LPGAT1: variants seen among roughly 807,000 people sequenced by gnomAD.
The protein encoded by LPGAT1 is acyl-CoA:lysophosphatidylglycerol acyltransferase 1.
LPGAT1 carries 11 observed loss-of-function variants against 47.5 expected under a neutral mutation model. The ratio of observed to expected loss-of-function variants is 0.23; its 90% CI spans 0.15 to 0.38. LPGAT1 has a LOEUF of 0.38. Among genes scored for constraint, LPGAT1 ranks in the 10% least tolerant of loss-of-function variants. The pLI, the probability that LPGAT1 is intolerant of heterozygous loss-of-function variation, is 1.00. For synonymous variants in LPGAT1, 138 were observed against 144.2 expected (o/e 0.96, Z 0.31); for missense variants, 293 against 439.0 (o/e 0.67, Z 2.97).
chr1:211,800,469 G>C (rs1659530505), intron 2 of LPGAT1, among the ~76,000 whole-genome samples: 1 of 152,108 alleles, frequency 6.6e-6, no homozygotes, highest in African/African-American at 2.4e-5. Flanking sequence ...ATTAAAATCA[G>C]AAACACCACT....
intron 2 of LPGAT1, among the ~76,000 whole-genome samples, chr1:211,798,061 T>C (rs74359710): frequency 4.0e-5 from 6 of 151,742 alleles, no homozygotes; most frequent in South Asian, 2.1e-4. Context: ...AAAAAGAAAA[T>C]AGAAACAACC....
At position 211,749,739 on chromosome 1, in the gene LPGAT1, T is replaced by C; in HGVS notation, c.*160A>G. The C allele has an allele frequency of 4.2e-6, 3 of 720,684 alleles. No individual in the cohort carries two copies. The South Asian group carries it at 5.4e-5, about 13-fold the overall frequency. 44.6% of individuals were successfully genotyped at this position (720,684 alleles called of 1,614,324 possible). On this transcript the variant is annotated 3_prime_UTR_variant, in exon 8 of 8. Coordinates refer to ENST00000366997, the MANE Select transcript of LPGAT1 (RefSeq NM_014873.3). ...ATTATATTACTAATCCTCATTTTAG[T>C]AGATTTTAAAATATCCCAAAGGGGG...
At chr1:211,757,110 A>G (rs1043914660) in intron 6 of LPGAT1, among the ~76,000 whole-genome samples, 2 of 152,020 alleles carry the variant, frequency 1.3e-5, no homozygotes, top group Non-Finnish European at 2.9e-5. Flanking sequence ...TACAAAAATT[A>G]GCCAGATGTG....
At chr1:211,808,278 T>C (rs1051254318) in intron 2 of LPGAT1, among the ~76,000 whole-genome samples, 3 of 149,922 alleles carry the variant, frequency 2.0e-5, no homozygotes, top group Non-Finnish European at 4.5e-5. Flanking sequence ...CCGGGCAGGG[T>C]TGTGGAAATT....
At chr1:211,779,666 C>T (rs1429439827) in intron 5 of LPGAT1, among the ~76,000 whole-genome samples, 3 of 151,920 alleles carry the variant, frequency 2.0e-5, no homozygotes, top group Non-Finnish European at 4.4e-5. Context: ...GCCTGGCCAG[C>T]GTGGTGAAAC....
Position 211,829,424 on chromosome 1 carries a change from G to A in LPGAT1, c.-27-101C>T, listed in dbSNP as rs189767866. On this transcript the variant is annotated intron_variant, in intron 1 of 7. Coordinates refer to ENST00000366997, the MANE Select transcript of LPGAT1 (RefSeq NM_014873.3). ...CCCCCAGCACAAAATAAAACAGCGA[G>A]GGTCGAAGCTTTCCGGGTGTAGTAC... 305 of 1,505,410 alleles carry A rather than the reference G, an allele frequency of 2.0e-4. 2 individuals are homozygous for A. In the East Asian group the frequency reaches 6.8e-3, roughly 33 times the overall value. The allele number at this position is 1,505,410 out of a possible 1,614,324, so 93.3% of individuals were successfully genotyped here.
At chr1:211,825,550 A>G (rs1308418085) in intron 2 of LPGAT1, among the ~76,000 whole-genome samples, 1 of 152,188 alleles carries the variant, frequency 6.6e-6, no homozygotes, top group Non-Finnish European at 1.5e-5. Context: ...AGCATGCAGA[A>G]GTGGATCATT....
chr1:211,775,142 G>A (rs1157876052), intron 6 of LPGAT1, among the ~76,000 whole-genome samples: 1 of 152,108 alleles, frequency 6.6e-6, no homozygotes, highest in Non-Finnish European at 1.5e-5. Context: ...AGAAGTGAAA[G>A]TAAATGTATT....
chr1:211,764,397 T>C (rs1558257873), intron 6 of LPGAT1, among the ~76,000 whole-genome samples: 1 of 152,212 alleles, frequency 6.6e-6, no homozygotes, highest in African/African-American at 2.4e-5. Flanking sequence ...AGCACAAAAC[T>C]TTATGTGGTG....
intron 6 of LPGAT1, among the ~76,000 whole-genome samples, chr1:211,768,266 T>C (rs1256561069): frequency 6.6e-6 from 1 of 152,260 alleles, no homozygotes; most frequent in Non-Finnish European, 1.5e-5. Flanking sequence ...TGAAAATGCT[T>C]TTGTTGCAAT....
At position 211,830,320 on chromosome 1, in the gene LPGAT1, C is replaced by A; in HGVS notation, c.-28+253G>T. ...GCGGGCGCGCTGGCGCCCTACTCCC[C>A]TCGCGGCTGCCTGCGGACAGAGGGA... On this transcript the variant is annotated intron_variant, in intron 1 of 7. Coordinates refer to ENST00000366997, the MANE Select transcript of LPGAT1 (RefSeq NM_014873.3). This position sits in a 1 kb window ranked among gnomAD's most constrained non-coding sequence, Gnocchi z 5.9. The A allele has an allele frequency of 9.0e-7, 1 of 1,110,038 alleles. No homozygotes were observed. Among genetic ancestry groups the A allele is most frequent in the Non-Finnish European group, 1.1e-6 (1 of 910,068 alleles). 68.8% of individuals were successfully genotyped at this position (1,110,038 alleles called of 1,614,324 possible). A position where few individuals can be genotyped will look rare whatever the true frequency, so the allele number is the denominator to read the frequency against.
At chr1:211,772,250 T>C (rs1277615302) in intron 6 of LPGAT1, among the ~76,000 whole-genome samples, 1 of 152,248 alleles carries the variant, frequency 6.6e-6, no homozygotes, top group East Asian at 1.9e-4. Flanking sequence ...AGTTCACAAA[T>C]AAATCTAGAC....
intron 2 of LPGAT1, among the ~76,000 whole-genome samples, chr1:211,818,317 C>A (rs553473975): frequency 2.6e-5 from 4 of 152,140 alleles, no homozygotes; most frequent in Non-Finnish European, 5.9e-5. Context: ...CAAAATAAGA[C>A]AAGAAGCAGG....
Position 211,747,422 on chromosome 1 carries a change from C to T in LPGAT1, c.*2477G>A, listed in dbSNP as rs549615220. The T allele has an allele frequency of 1.6e-3, 239 of 152,254 alleles. No homozygotes were observed. The highest frequency in any genetic ancestry group is 5.3e-3 in the African/African-American group (219 of 41,546). 9.4% of individuals were successfully genotyped at this position (152,254 alleles called of 1,614,324 possible). On this transcript the variant is annotated 3_prime_UTR_variant, in exon 8 of 8. Transcript: ENST00000366997. ...CACCCTGGAGACTGTGAAAATGACA[C>T]CGTACTTGAAAAGTAAAGCATCTTA...
chr1:211,783,523 T>C, intron 4 of LPGAT1, 21 bp from the exon 5 acceptor site: 1 of 1,602,454 alleles, frequency 6.2e-7, no homozygotes, highest in Non-Finnish European at 8.5e-7. Context: ...CACACACACG[T>C]AATAAGTACA....
intron 5 of LPGAT1, among the ~76,000 whole-genome samples, chr1:211,780,383 A>C (rs1388163695): frequency 6.6e-6 from 1 of 152,200 alleles, no homozygotes; most frequent in East Asian, 1.9e-4. Context: ...CATGGGGTAC[A>C]AAGGTGAGCG....
chr1:211,818,810 T>C (rs549080399), intron 2 of LPGAT1, among the ~76,000 whole-genome samples: 1 of 152,226 alleles, frequency 6.6e-6, no homozygotes. Flanking sequence ...TTGATGACAT[T>C]TTCTTACTGC....
chr1:211,781,391 T>C (rs1292150785), intron 5 of LPGAT1, among the ~76,000 whole-genome samples: 4 of 152,230 alleles, frequency 2.6e-5, no homozygotes, highest in African/African-American at 7.2e-5. Context: ...TTAGTGCAAC[T>C]AATCCTGTTT....
rs139422930 is a variant in LPGAT1 at position 211,805,743 on chromosome 1, T to C, written c.239-12553A>G. On this transcript the variant is annotated intron_variant, in intron 2 of 7. Transcript: ENST00000366997. Reference sequence around the variant, plus strand: ...CAAAAAAGAAATAATACAAACTGTATGCAATCTCTTCCAGAAAACAGAAAA... The same window carrying C: ...CAAAAAAGAAATAATACAAACTGTACGCAATCTCTTCCAGAAAACAGAAAA... Among the ~76,000 whole-genome samples the C allele has an allele frequency of 3.1e-3, 473 of 152,290 alleles. 1 individual carries two copies. Among genetic ancestry groups the C allele is most frequent in the African/African-American group, 0.011 (451 of 41,570 alleles).
Sources: allele counts gnomAD v4.1 joint callset (sites outside exome capture counted in the v4.1 genomes callset), GRCh38; gene constraint gnomAD v4.1.1; non-coding constraint Gnocchi (gnomAD v3.1); transcripts MANE v1.5; gene names NCBI Gene and HGNC (gene_info 2026-07-23, HGNC 2026-07-21).